ARB2A: variants seen among roughly 807,000 people sequenced by gnomAD.
ARB2A encodes cotranscriptional regulator ARB2A.
chr5:93,911,643 C>CACACACACAT, the ARB2A span, among the ~76,000 whole-genome samples: 1 of 151,590 alleles, frequency 6.6e-6, no homozygotes, highest in Non-Finnish European at 1.5e-5. Context: ...CACACACACA[C>CACACACACAT]ACACACACAC....
At chr5:93,693,802 G>A in the ARB2A span, among the ~76,000 whole-genome samples, 7 of 152,174 alleles carry the variant, frequency 4.6e-5, no homozygotes, top group East Asian at 9.7e-4. Flanking sequence ...ATAAAATACT[G>A]GCAAACCAAA....
the ARB2A span, among the ~76,000 whole-genome samples, chr5:93,828,432 C>T: frequency 6.6e-6 from 1 of 152,042 alleles, no homozygotes; most frequent in Non-Finnish European, 1.5e-5. Context: ...TGATTTTCAT[C>T]TGTTATTTCT....
chr5:93,673,452 T>C, the ARB2A span, among the ~76,000 whole-genome samples: 3 of 152,246 alleles, frequency 2.0e-5, no homozygotes, highest in Non-Finnish European at 2.9e-5. Flanking sequence ...GATTTACCCA[T>C]AGCAGTATGA....
At chr5:93,664,972 A>G in the ARB2A span, among the ~76,000 whole-genome samples, 2 of 152,062 alleles carry the variant, frequency 1.3e-5, no homozygotes, top group East Asian at 3.9e-4. Flanking sequence ...GACTACAGGC[A>G]TGCACTACCA....
the ARB2A span, among the ~76,000 whole-genome samples, chr5:94,087,357 T>C: frequency 2.6e-5 from 4 of 152,016 alleles, no homozygotes; most frequent in African/African-American, 4.8e-5. Context: ...CAGTGAGCTA[T>C]GATCACCCAC....
chr5:93,769,793 T>C, the ARB2A span, among the ~76,000 whole-genome samples: 1 of 152,152 alleles, frequency 6.6e-6, no homozygotes, highest in Non-Finnish European at 1.5e-5. Flanking sequence ...TAAATGTCAA[T>C]AAATACTTTA....
the ARB2A span, among the ~76,000 whole-genome samples, chr5:94,078,935 T>C: frequency 2.0e-5 from 3 of 152,252 alleles, no homozygotes; most frequent in African/African-American, 7.2e-5. Flanking sequence ...TTACAAACTA[T>C]AAATCCCTTT....
At chr5:93,950,166 A>G in the ARB2A span, among the ~76,000 whole-genome samples, 1 of 152,168 alleles carries the variant, frequency 6.6e-6, no homozygotes, top group African/African-American at 2.4e-5. Context: ...GAGTGCTGCA[A>G]TGAACATGGG....
chr5:93,769,960 A>G, the ARB2A span, among the ~76,000 whole-genome samples: 28,213 of 152,146 alleles, frequency 0.19, 3,037 homozygotes, highest in Middle Eastern at 0.28. Context: ...GAATAATAAA[A>G]GTAACTTAGT....
At chr5:94,062,448 G>A in the ARB2A span, among the ~76,000 whole-genome samples, 9 of 152,096 alleles carry the variant, frequency 5.9e-5, no homozygotes, top group Non-Finnish European at 8.8e-5. Context: ...AAAGGGAAAC[G>A]AGGCAACCTG....
At chr5:94,088,724 CAA>C in the ARB2A span, among the ~76,000 whole-genome samples, 2 of 152,102 alleles carry the variant, frequency 1.3e-5, no homozygotes, top group Non-Finnish European at 2.9e-5. Flanking sequence ...TTGAAAATCT[CAA>C]GTGTCATTTA....
chr5:93,693,944 C>T, the ARB2A span, among the ~76,000 whole-genome samples: 4 of 152,114 alleles, frequency 2.6e-5, no homozygotes, highest in African/African-American at 9.7e-5. Context: ...AAAAAAACCA[C>T]ATGATTATCT....
At chr5:93,835,307 A>G in the ARB2A span, among the ~76,000 whole-genome samples, 1 of 152,170 alleles carries the variant, frequency 6.6e-6, no homozygotes, top group Non-Finnish European at 1.5e-5. Context: ...TTGTGTAATT[A>G]TTTTCTAAGG....
At chr5:93,617,728 T>G in the ARB2A span, among the ~76,000 whole-genome samples, 1 of 152,126 alleles carries the variant, frequency 6.6e-6, no homozygotes, top group Non-Finnish European at 1.5e-5. Flanking sequence ...ACCAGACTCC[T>G]CTTGGAAAAC....
the ARB2A span, among the ~76,000 whole-genome samples, chr5:93,968,746 G>T: frequency 1.3e-5 from 2 of 151,938 alleles, no homozygotes; most frequent in Middle Eastern, 6.8e-3. Context: ...ATAAAACAAA[G>T]AAACAAACAA....
chr5:93,987,287 A>T, the ARB2A span, among the ~76,000 whole-genome samples: 1 of 152,182 alleles, frequency 6.6e-6, no homozygotes, highest in Non-Finnish European at 1.5e-5. Context: ...AGTCAGAGGA[A>T]AGAAGAAAGA....
At chr5:93,646,313 A>G in the ARB2A span, among the ~76,000 whole-genome samples, 2 of 152,116 alleles carry the variant, frequency 1.3e-5, no homozygotes, top group Non-Finnish European at 2.9e-5. Flanking sequence ...AAAATAAAAA[A>G]AAATTCTGTT....
the ARB2A span, among the ~76,000 whole-genome samples, chr5:94,011,934 G>GAA: frequency 2.6e-4 from 4 of 15,122 alleles, no homozygotes; most frequent in Non-Finnish European, 5.7e-4. Flanking sequence ...TTAAAGGGTA[G>GAA]ACAAAAAAAA....
the ARB2A span, among the ~76,000 whole-genome samples, chr5:94,064,995 A>C: frequency 6.6e-6 from 1 of 152,234 alleles, no homozygotes; most frequent in Non-Finnish European, 1.5e-5. Context: ...AAACAATAAG[A>C]GAAAAAGAAA....
Sources: allele counts gnomAD v4.1 joint callset (sites outside exome capture counted in the v4.1 genomes callset), GRCh38; gene constraint gnomAD v4.1.1; transcripts MANE v1.5; gene names NCBI Gene and HGNC (gene_info 2026-07-23, HGNC 2026-07-21).